RGS12: variants seen among roughly 807,000 people sequenced by gnomAD.
RGS12 encodes regulator of G-protein signaling 12.
In RGS12, 66 loss-of-function variants were observed where a neutral mutation model predicts 120.1. That is an observed-to-expected ratio of 0.55 (90% CI 0.45 to 0.67). The LOEUF (loss-of-function observed/expected upper bound fraction) is 0.67. RGS12 is among the 30% of genes least tolerant of loss of function. The probability of loss-of-function intolerance (pLI) is 0.00; values close to 1 mark genes in which losing one functional copy is unlikely to be tolerated. For synonymous variants in RGS12, 827 were observed against 804.7 expected (o/e 1.03, Z -0.47); for missense variants, 1,859 against 1,957.7 (o/e 0.95, Z 0.95).
chr4:3,356,995 T>C (rs1011515723), intron 3 of RGS12, among the ~76,000 whole-genome samples: 1 of 152,212 alleles, frequency 6.6e-6, no homozygotes, highest in African/African-American at 2.4e-5. Context: ...GCTGCACCAC[T>C]GGATATTCCT....
At chr4:3,286,031 A>G in the RGS12 span, among the ~76,000 whole-genome samples, 12 of 152,322 alleles carry the variant, frequency 7.9e-5, no homozygotes, top group African/African-American at 2.9e-4. Context: ...CCGTCACCAA[A>G]AGAACGGAGC....
intron 3 of RGS12, among the ~76,000 whole-genome samples, chr4:3,375,959 C>G (rs1412966658): frequency 6.6e-6 from 1 of 152,178 alleles, no homozygotes; most frequent in African/African-American, 2.4e-5. Context: ...GCTGGAGGGC[C>G]CTTGGCTTCT....
chr4:3,369,527 A>G (rs969709370), intron 3 of RGS12, among the ~76,000 whole-genome samples: 3 of 152,082 alleles, frequency 2.0e-5, no homozygotes, highest in African/African-American at 7.2e-5. Context: ...CCCTCAACCT[A>G]ACGTTTCAGG....
chr4:3,421,087 C>G (rs929865934), intron 10 of RGS12, among the ~76,000 whole-genome samples: 11 of 152,212 alleles, frequency 7.2e-5, no homozygotes, highest in Non-Finnish European at 1.2e-4. Context: ...CGCTCCCTGT[C>G]TCAGCGCGTG....
rs76932357 is a variant in RGS12, at chr4:3,366,485, C to T, written c.1999-19931C>T. ...TCAGCAGAGGCGCTCCTCCAGTTCC[C>T]GCCTCTCTGCCTCGCACGCCCTCCT... On this transcript the variant is annotated intron_variant, in intron 3 of 17. Coordinates refer to ENST00000336727, the MANE Select transcript of RGS12 (RefSeq NM_001394154.1). This position sits in a 1 kb window ranked among gnomAD's most constrained non-coding sequence, Gnocchi z 4.0. Among the ~76,000 whole-genome samples the T allele has an allele frequency of 2.7e-3, 413 of 152,296 alleles. 1 individual carries two copies. Among genetic ancestry groups the T allele is most frequent in the Non-Finnish European group, 4.8e-3 (325 of 68,012 alleles).
chr4:3,309,137 TGGCAG>T (rs1488190551), intron 1 of RGS12, among the ~76,000 whole-genome samples: 1 of 75,034 alleles, frequency 1.3e-5, no homozygotes, highest in Non-Finnish European at 2.6e-5. Context: ...GACTCGGGAA[TGGCAG>T]GTGTCTGCTG....
upstream of RGS12, among the ~76,000 whole-genome samples, chr4:3,292,202 C>G (rs1723059174): frequency 6.6e-6 from 1 of 152,206 alleles, no homozygotes; most frequent in Non-Finnish European, 1.5e-5. Flanking sequence ...AAGGAAGACA[C>G]GAAGAGGGCG....
intron 2 of RGS12, among the ~76,000 whole-genome samples, chr4:3,339,503 C>G (rs12500527): frequency 0.26 from 39,874 of 151,988 alleles, 5,288 homozygotes; most frequent in African/African-American, 0.32. Context: ...AAATTAAACT[C>G]TCTTATCACT....
At position 3,422,076 on chromosome 4, in the gene RGS12, C is replaced by T. The variant is rs1009506225; in HGVS notation, c.2839-300C>T. Reference sequence around the variant, plus strand: ...CTCACAGGGCAGCTTCAGTGGGCCCCGCAGGACAGCCCTGCTTCTGGGTGG... The same window carrying T: ...CTCACAGGGCAGCTTCAGTGGGCCCTGCAGGACAGCCCTGCTTCTGGGTGG... On this transcript the variant is annotated intron_variant, in intron 10 of 17. Coordinates refer to ENST00000336727, the MANE Select transcript of RGS12 (RefSeq NM_001394154.1). Among the ~76,000 whole-genome samples the T allele has an allele frequency of 5.9e-5, 9 of 152,176 alleles. No individual in the cohort carries two copies. The South Asian group carries it at 1.7e-3, about 28-fold the overall frequency.
chr4:3,308,134 G>C (rs920947110), intron 1 of RGS12, among the ~76,000 whole-genome samples: 1 of 152,244 alleles, frequency 6.6e-6, no homozygotes, highest in Admixed American at 6.5e-5. Context: ...CCGTCCATCT[G>C]GTGCTGCTAG....
chr4:3,363,155 G>T (rs577988899), intron 3 of RGS12, among the ~76,000 whole-genome samples: 8 of 151,524 alleles, frequency 5.3e-5, no homozygotes, highest in South Asian at 2.1e-4. Context: ...GTGCGCGAGG[G>T]CGTGTGTGTG....
At chr4:3,350,645 G>T (rs1714261724) in intron 3 of RGS12, among the ~76,000 whole-genome samples, 2 of 152,060 alleles carry the variant, frequency 1.3e-5, no homozygotes, top group South Asian at 4.1e-4. Flanking sequence ...TTGTCCCACT[G>T]CACCCCAGCC....
chr4:3,364,056 G>T (rs767558388), intron 3 of RGS12, among the ~76,000 whole-genome samples: 11 of 152,212 alleles, frequency 7.2e-5, no homozygotes, highest in Non-Finnish European at 1.2e-4. Context: ...CACGTGTCTT[G>T]AGATGGCCAG....
rs772508118 is a variant in RGS12, at chr4:3,316,346, G to A, written c.176G>A (p.Arg59Gln). The change falls in exon 2 of 18, where the codon CGA (arginine) becomes CAA (glutamine). Residue 59 changes from arginine to glutamine, a missense_variant. By Grantham distance (43) the Arg-to-Gln change is conservative. Around this residue, in one of 3 missense-constraint regions of RGS12, gnomAD observed 967 missense variants for 994.2 expected, o/e 0.97. Transcript: ENST00000336727. The stretch of plus-strand genomic sequence containing the variant: ...AGCCCTGCGGATTTCGTGGGCCTCC[G>A]AGCTGGAGACCAGATACTTGCTGTC... ...RGSPADFVGL[R>Q]AGDQILAVNE... 9.3e-6 allele frequency: 15 copies of A among 1,611,706 alleles called. No homozygotes were observed. Among genetic ancestry groups the A allele is most frequent in the Middle Eastern group, 1.6e-4 (1 of 6,062 alleles).
At chr4:3,413,498 C>G (rs959092131) in intron 4 of RGS12, 2 of 152,730 alleles carry the variant, frequency 1.3e-5, no homozygotes, top group Non-Finnish European at 2.9e-5. Flanking sequence ...TGTGCAGTCA[C>G]GGGTGTGTGG....
chr4:3,307,497 C>T (rs571165638), intron 1 of RGS12, among the ~76,000 whole-genome samples: 4 of 152,206 alleles, frequency 2.6e-5, no homozygotes, highest in East Asian at 1.9e-4. Flanking sequence ...TTTTTTAGTA[C>T]AAAAAAGTTC....
At chr4:3,319,494 T>C (rs895135314) in intron 2 of RGS12, among the ~76,000 whole-genome samples, 2 of 152,158 alleles carry the variant, frequency 1.3e-5, no homozygotes, top group African/African-American at 4.8e-5. Flanking sequence ...AGTGGCTCTA[T>C]CATAGCTCAC....
chr4:3,401,683 C>T (rs186418657), intron 4 of RGS12, among the ~76,000 whole-genome samples: 100 of 152,346 alleles, frequency 6.6e-4, no homozygotes, highest in East Asian at 3.3e-3. Flanking sequence ...CGCCGTGAAC[C>T]GGCACACTGT....
At chr4:3,334,393 G>C (rs1052064176) in intron 2 of RGS12, among the ~76,000 whole-genome samples, 6 of 152,080 alleles carry the variant, frequency 3.9e-5, no homozygotes, top group African/African-American at 1.4e-4. Context: ...CCTAACTTAT[G>C]ATCATTTTTT....
Sources: gnomAD v4.1 joint callset for allele counts (sites outside exome capture counted in the v4.1 genomes callset) on GRCh38, gnomAD v4.1.1 for gene constraint, gnomAD v4.1.1 regional missense constraint, Gnocchi (gnomAD v3.1) non-coding constraint, MANE v1.5 for transcripts, NCBI Gene and HGNC (gene_info 2026-07-23, HGNC 2026-07-21) for gene names.